Variants in KIAA1549L observed in about 807,000 individuals in gnomAD.
KIAA1549L encodes the protein UPF0606 protein KIAA1549L.
KIAA1549L carries 88 observed loss-of-function variants against 160.7 expected under a neutral mutation model. The ratio of observed to expected loss-of-function variants is 0.55; its 90% CI spans 0.46 to 0.65. The LOEUF (loss-of-function observed/expected upper bound fraction) is 0.65, where lower values mean the gene tolerates loss of function less well. Ranked by LOEUF, KIAA1549L falls within the 30% of genes least tolerant of loss-of-function variation. The pLI is 0.00. For synonymous variants in KIAA1549L, 950 were observed against 976.7 expected (o/e 0.97, Z 0.51); for missense variants, 2,258 against 2,437.5 (o/e 0.93, Z 1.55).
intron 16 of KIAA1549L, 93 bp downstream of exon 16, chr11:33,618,755 A>G: frequency 1.7e-6 from 2 of 1,185,162 alleles, no homozygotes; most frequent in Non-Finnish European, 2.2e-6. Flanking sequence ...TTTACCACAT[A>G]TTTGTGGAAT....
intron 16 of KIAA1549L, among the ~76,000 whole-genome samples, chr11:33,644,335 T>A (rs1468780746): frequency 2.0e-5 from 3 of 152,248 alleles, no homozygotes; most frequent in African/African-American, 7.2e-5. Context: ...ATATACTTTT[T>A]AAAATGAAGT....
chr11:33,623,730 T>G (rs1428512344), intron 16 of KIAA1549L, among the ~76,000 whole-genome samples: 1 of 152,104 alleles, frequency 6.6e-6, no homozygotes, highest in Non-Finnish European at 1.5e-5. Context: ...TTGTCAGGTT[T>G]GAGAGGGAGG....
At chr11:33,461,511 T>C (rs1051080045) in intron 1 of KIAA1549L, among the ~76,000 whole-genome samples, 4 of 152,204 alleles carry the variant, frequency 2.6e-5, no homozygotes, top group Non-Finnish European at 5.9e-5. Context: ...ACTGGGATCT[T>C]GCAGGTGTTG....
chr11:33,468,636 T>G (rs1852110852), intron 1 of KIAA1549L, among the ~76,000 whole-genome samples: 1 of 152,238 alleles, frequency 6.6e-6, no homozygotes, highest in Non-Finnish European at 1.5e-5. Context: ...TATGTACTGG[T>G]GAGTGATGTT....
intron 20 of KIAA1549L, among the ~76,000 whole-genome samples, chr11:33,661,697 T>C (rs899029761): frequency 7.2e-5 from 11 of 151,864 alleles, no homozygotes; most frequent in Admixed American, 2.0e-4. Flanking sequence ...CTGGCAAACA[T>C]GGTGAAACCC....
At chr11:33,537,961 C>T (rs1286201003) in intron 1 of KIAA1549L, among the ~76,000 whole-genome samples, 1 of 152,106 alleles carries the variant, frequency 6.6e-6, no homozygotes, top group Admixed American at 6.6e-5. Context: ...GTGTATTAGT[C>T]CATTTTCATG....
At chr11:33,394,484 T>C (rs1850334457) in intron 1 of KIAA1549L, among the ~76,000 whole-genome samples, 1 of 152,134 alleles carries the variant, frequency 6.6e-6, no homozygotes, top group Non-Finnish European at 1.5e-5. Flanking sequence ...TCAAGAGCTT[T>C]TCCATAAAGA....
Position 33,658,871 on chromosome 11 carries a change from T to G in KIAA1549L, c.5980T>G (p.Leu1994Val), listed in dbSNP as rs750461785. 93 of 1,559,992 alleles carry G rather than the reference T, an allele frequency of 6.0e-5. No individual in the cohort carries two copies. The highest frequency in any genetic ancestry group is 7.5e-5 in the Non-Finnish European group (86 of 1,152,160). ...MSRGPVSVTQ[L>V]DQSALNYSGN... ...CAGAGGCCCTGTGTCCGTGACGCAG[T>G]TGGATCAGTCGGCTTTAAATTACTC... The change falls in exon 19 of 21, where the codon TTG becomes GTG. Residue 1994 changes from leucine to valine, a missense_variant. Physicochemically the swap from Leu to Val is conservative, Grantham distance 32. Coordinates refer to ENST00000658780, the MANE Select transcript of KIAA1549L (RefSeq NM_012194.3).
chr11:33,545,854 A>T lies in KIAA1549L; in HGVS notation c.3385+476A>T, dbSNP rs562013887. On this transcript the variant is annotated intron_variant, in intron 3 of 20. Transcript: ENST00000658780. Reference sequence around the variant, plus strand: ...GAATGAATGATGTGGTTTGTAAGATACAACATCTTGGGAAGTGCTACAGAG... The same window carrying T: ...GAATGAATGATGTGGTTTGTAAGATTCAACATCTTGGGAAGTGCTACAGAG... Among the ~76,000 whole-genome samples, 6 of 152,370 alleles carry T rather than the reference A, an allele frequency of 3.9e-5. No individual in the cohort carries two copies. In the East Asian group the frequency reaches 1.2e-3, roughly 29 times the overall value.
intron 1 of KIAA1549L, among the ~76,000 whole-genome samples, chr11:33,464,165 C>G (rs898132416): frequency 6.6e-6 from 1 of 152,202 alleles, no homozygotes; most frequent in African/African-American, 2.4e-5. Context: ...AAAGCTAGAT[C>G]TGTGATTTAA....
chr11:33,441,053 A>T (rs1036447955), intron 1 of KIAA1549L, among the ~76,000 whole-genome samples: 4 of 150,514 alleles, frequency 2.7e-5, no homozygotes, highest in Non-Finnish European at 4.4e-5. Flanking sequence ...TATATCTTCT[A>T]ATGCTATCCC....
chr11:33,494,311 A>G (rs1219489182), intron 1 of KIAA1549L, among the ~76,000 whole-genome samples: 1 of 152,234 alleles, frequency 6.6e-6, no homozygotes, highest in Admixed American at 6.5e-5. Context: ...ATATGCTTCC[A>G]TTCCTAATGG....
Position 33,516,304 on chromosome 11 carries a change from A to G in KIAA1549L, c.239-25498A>G, listed in dbSNP as rs1209219817. Among the ~76,000 whole-genome samples the G allele has an allele frequency of 2.6e-4, 16 of 61,896 alleles. 7 individuals are homozygous for G. Among genetic ancestry groups the G allele is most frequent in the Admixed American group, 2.0e-3 (14 of 6,844 alleles). The allele number at this position is 61,896 out of a possible 152,430, so 40.6% of individuals were successfully genotyped here. A position where few individuals can be genotyped will look rare whatever the true frequency, so the allele number is the denominator to read the frequency against. On this transcript the variant is annotated intron_variant, in intron 1 of 20. Coordinates refer to ENST00000658780, the MANE Select transcript of KIAA1549L (RefSeq NM_012194.3). The stretch of plus-strand genomic sequence containing the variant: ...GTAGCTGGGACTACAGGCGCCCGCC[A>G]CTACGCCCGGCTAATTTTTTGTATT...
chr11:33,536,480 C>G (rs530137259), intron 1 of KIAA1549L, among the ~76,000 whole-genome samples: 1 of 152,244 alleles, frequency 6.6e-6, no homozygotes, highest in South Asian at 2.1e-4. Context: ...GTGGGCTGCT[C>G]ACAGAGTGGG....
rs1368577767 is a variant in KIAA1549L at position 33,543,072 on chromosome 11, C to T, written c.1509C>T (p.Ser503=). 3 of 1,613,980 alleles carry T rather than the reference C, an allele frequency of 1.9e-6. No homozygotes were observed. The highest frequency in any genetic ancestry group is 2.2e-5 in the East Asian group (1 of 44,874). Residue 503 remains serine, a synonymous_variant, in exon 2 of 21, where the codon TCC becomes TCT. Transcript: ENST00000658780. ...CAACTGGGACAGCCGACTTTCCCTC[C>T]ATACTTACTTTCCTCCAGCCCACAG... ...SPSTGTADFP[S]ILTFLQPTEN...
chr11:33,376,468 C>G lies in KIAA1549L; in HGVS notation c.-184C>G, dbSNP rs1849954504. 1.4e-5 allele frequency: 2 copies of G among 147,560 alleles called. No individual in the cohort carries two copies. Among genetic ancestry groups the G allele is most frequent in the African/African-American group, 2.4e-5 (1 of 40,982 alleles). The allele number at this position is 147,560 out of a possible 1,614,324, so 9.1% of individuals were successfully genotyped here. ...GGCCCGGCCCCTGCGCGGGTGAAGCCGCGGCTCCCTGGAGCCCGCCCCGGG... is the reference window on the plus strand; with the variant it reads ...GGCCCGGCCCCTGCGCGGGTGAAGCGGCGGCTCCCTGGAGCCCGCCCCGGG... On this transcript the variant is annotated 5_prime_UTR_variant, in exon 1 of 21. Coordinates refer to ENST00000658780, the MANE Select transcript of KIAA1549L (RefSeq NM_012194.3). The surrounding 1 kb of genome is among the most constrained non-coding windows in gnomAD (Gnocchi z 5.8).
At chr11:33,444,347 T>C (rs755434113) in intron 1 of KIAA1549L, among the ~76,000 whole-genome samples, 2 of 152,154 alleles carry the variant, frequency 1.3e-5, no homozygotes, top group African/African-American at 4.8e-5. Context: ...AGAATAGAGA[T>C]AGATATGCTC....
chr11:33,550,504 A>C (rs1455076247), intron 4 of KIAA1549L, among the ~76,000 whole-genome samples: 1 of 152,214 alleles, frequency 6.6e-6, no homozygotes, highest in Non-Finnish European at 1.5e-5. Context: ...TCTCTGGTGC[A>C]TCCTGCCTTG....
chr11:33,525,209 C>A (rs1399927775), intron 1 of KIAA1549L, among the ~76,000 whole-genome samples: 3 of 152,184 alleles, frequency 2.0e-5, no homozygotes, highest in Non-Finnish European at 4.4e-5. Flanking sequence ...TGGCTTGCCA[C>A]TGCAGACTCT....
Sources: gnomAD v4.1 joint callset for allele counts (sites outside exome capture counted in the v4.1 genomes callset) on GRCh38, gnomAD v4.1.1 for gene constraint, Gnocchi (gnomAD v3.1) non-coding constraint, MANE v1.5 for transcripts, NCBI Gene and HGNC (gene_info 2026-07-23, HGNC 2026-07-21) for gene names.